SOX5: variants seen among roughly 807,000 people sequenced by gnomAD.
The protein encoded by SOX5 is transcription factor SOX-5.
A neutral mutation model predicts 92.0 loss-of-function variants in SOX5; 9 were observed. The ratio of observed to expected loss-of-function variants is 0.10; its 90% CI spans 0.06 to 0.17. SOX5 has a LOEUF of 0.17. Ranked by LOEUF, SOX5 falls within the 10% of genes least tolerant of loss-of-function variation. The pLI, the probability that SOX5 is intolerant of heterozygous loss-of-function variation, is 1.00. For synonymous variants in SOX5, 344 were observed against 336.3 expected (o/e 1.02, Z -0.25); for missense variants, 642 against 944.5 (o/e 0.68, Z 4.20).
chr12:23,653,037 T>TGGACGGATGGAC (rs199917880), intron 7 of SOX5, among the ~76,000 whole-genome samples: 1 of 149,934 alleles, frequency 6.7e-6, no homozygotes, highest in Non-Finnish European at 1.5e-5. Context: ...GATAGATGGA[T>TGGACGGATGGAC]GGATGGATGG....
At chr12:24,283,571 G>C (rs1381537591) in intron 2 of SOX5, among the ~76,000 whole-genome samples, 1 of 152,172 alleles carries the variant, frequency 6.6e-6, no homozygotes, top group Non-Finnish European at 1.5e-5. Context: ...AAGTGTTATT[G>C]TTAATATTAA....
intron 3 of SOX5, among the ~76,000 whole-genome samples, chr12:24,250,722 A>T (rs528279448): frequency 3.3e-5 from 5 of 152,350 alleles, no homozygotes; most frequent in African/African-American, 1.2e-4. Flanking sequence ...CAAAGGTACA[A>T]AGTAAGTTCA....
intron 3 of SOX5, among the ~76,000 whole-genome samples, chr12:23,814,023 T>C (rs1339502120): frequency 6.6e-6 from 1 of 152,180 alleles, no homozygotes; most frequent in East Asian, 1.9e-4. Flanking sequence ...AATGAGAATT[T>C]AAGAGTATTA....
At chr12:24,127,233 A>G (rs1462935019) in intron 4 of SOX5, among the ~76,000 whole-genome samples, 2 of 151,546 alleles carry the variant, frequency 1.3e-5, no homozygotes, top group Non-Finnish European at 1.5e-5. Flanking sequence ...TCTACAAAAA[A>G]TACAAAAATT....
chr12:23,539,631 A>AG (rs1941481642), intron 13 of SOX5, among the ~76,000 whole-genome samples: 1 of 152,028 alleles, frequency 6.6e-6, no homozygotes, highest in Non-Finnish European at 1.5e-5. Context: ...GAGGAAAAAA[A>AG]GATGCGTGTA....
At chr12:23,833,134 T>C (rs2096357297) in intron 3 of SOX5, among the ~76,000 whole-genome samples, 1 of 152,028 alleles carries the variant, frequency 6.6e-6, no homozygotes, top group South Asian at 2.1e-4. Flanking sequence ...CCAGGATCTA[T>C]AAAGCCTCTG....
At chr12:24,123,467 A>C (rs1340634956) in intron 4 of SOX5, among the ~76,000 whole-genome samples, 1 of 152,172 alleles carries the variant, frequency 6.6e-6, no homozygotes, top group African/African-American at 2.4e-5. Context: ...ATAGAAAAGC[A>C]ACTTCCTCTT....
At chr12:24,469,948 GAGATGTTGGTTTCATGAAAAACAAAAAA>G (rs1321156099) in intron 1 of SOX5, among the ~76,000 whole-genome samples, 1 of 152,180 alleles carries the variant, frequency 6.6e-6, no homozygotes, top group African/African-American at 2.4e-5. Context: ...TATATTGTAT[GAGATGTTGGTTTCATGAAAAACAAAAAA>G]AGAAAGACCA....
chr12:23,532,907 A>AAAT lies in SOX5; in HGVS notation c.*1311_*1312insATT, dbSNP rs1939387295. The AAAT allele has an allele frequency of 6.1e-6, 1 of 163,162 alleles. No homozygotes were observed. Among genetic ancestry groups the AAAT allele is most frequent in the African/African-American group, 2.4e-5 (1 of 41,672 alleles). The allele number at this position is 163,162 out of a possible 1,614,324, so 10.1% of individuals were successfully genotyped here. A position where few individuals can be genotyped will look rare whatever the true frequency, so the allele number is the denominator to read the frequency against. ...AATGAAAACAATGATTGTTTTGCTC[A>AAAT]AAATATCAACAGGAAAAACAAAAAT... On this transcript the variant is annotated 3_prime_UTR_variant, in exon 15 of 15. Transcript: ENST00000451604.
chr12:24,238,352 A>G (rs1023746907), intron 3 of SOX5, among the ~76,000 whole-genome samples: 1 of 152,116 alleles, frequency 6.6e-6, no homozygotes, highest in South Asian at 2.1e-4. Context: ...GCACTTCACA[A>G]GAGTAGTTTT....
intron 2 of SOX5, among the ~76,000 whole-genome samples, chr12:24,336,226 C>T (rs944353319): frequency 6.6e-6 from 1 of 151,680 alleles, no homozygotes; most frequent in Non-Finnish European, 1.5e-5. Flanking sequence ...CCCTGAGTAG[C>T]TGGGACCACA....
intron 4 of SOX5, among the ~76,000 whole-genome samples, chr12:24,209,285 C>A (rs1052470998): frequency 2.0e-5 from 3 of 152,032 alleles, no homozygotes; most frequent in Non-Finnish European, 4.4e-5. Flanking sequence ...ACTGCAGACT[C>A]AAAAACAATC....
intron 1 of SOX5, among the ~76,000 whole-genome samples, chr12:24,485,479 G>A (rs1029427039): frequency 6.6e-6 from 1 of 152,030 alleles, no homozygotes. Flanking sequence ...AAAATGACTC[G>A]ACCAGAAAGG....
intron 3 of SOX5, among the ~76,000 whole-genome samples, chr12:23,797,697 A>G (rs1338291964): frequency 6.6e-6 from 1 of 152,058 alleles, no homozygotes; most frequent in East Asian, 1.9e-4. Flanking sequence ...ATTATAAGAA[A>G]TATTTTATGC....
chr12:24,376,911 A>G (rs537016284), intron 1 of SOX5, among the ~76,000 whole-genome samples: 93 of 145,374 alleles, frequency 6.4e-4, no homozygotes, highest in African/African-American at 2.2e-3. Flanking sequence ...GGGTTTTACC[A>G]TGTTGCCCAG....
At chr12:24,168,044 G>T (rs1260366153) in intron 4 of SOX5, among the ~76,000 whole-genome samples, 1 of 152,196 alleles carries the variant, frequency 6.6e-6, no homozygotes, top group African/African-American at 2.4e-5. Flanking sequence ...TTCAAAGAAG[G>T]GAAGGCAAGG....
intron 2 of SOX5, among the ~76,000 whole-genome samples, chr12:24,328,827 TA>T (rs1305518847): frequency 1.3e-5 from 2 of 152,234 alleles, no homozygotes; most frequent in Non-Finnish European, 2.9e-5. Flanking sequence ...TGCTTGTCTT[TA>T]AAGTTCCCTT....
chr12:24,521,205 C>A (rs1053958395), intron 1 of SOX5, among the ~76,000 whole-genome samples: 2 of 152,160 alleles, frequency 1.3e-5, no homozygotes, highest in African/African-American at 4.8e-5. Context: ...CAGGCGTTTG[C>A]CACCACACCC....
upstream of SOX5, among the ~76,000 whole-genome samples, chr12:23,952,187 G>A (rs1434586442): frequency 6.6e-6 from 1 of 152,084 alleles, no homozygotes; most frequent in Non-Finnish European, 1.5e-5. Flanking sequence ...GGGAGCCATG[G>A]GAGTGGAGTC....
Sources: allele counts gnomAD v4.1 joint callset (sites outside exome capture counted in the v4.1 genomes callset), GRCh38; gene constraint gnomAD v4.1.1; transcripts MANE v1.5; gene names NCBI Gene and HGNC (gene_info 2026-07-23, HGNC 2026-07-21).